Variants in ATP10A observed in about 807,000 individuals in gnomAD.
ATP10A encodes the protein ATPase phospholipid transporting 10A (putative), also known as phospholipid-transporting ATPase VA.
Under a neutral mutation model 147.8 loss-of-function variants are expected in ATP10A, and 111 were observed. The observed-to-expected ratio is 0.75, with a 90% CI of 0.64 to 0.88. The LOEUF is 0.88. Among genes scored for constraint, ATP10A ranks in the 40% least tolerant of loss-of-function variants. The pLI is 0.00. For synonymous variants in ATP10A, 875 were observed against 841.6 expected, an observed-to-expected ratio of 1.04 and a Z score of -0.69; for missense variants, 1,927 against 1,959.0, an observed-to-expected ratio of 0.98 and a Z score of 0.31.
intron 16 of ATP10A, chr15:25,683,688 C>G: frequency 1.7e-6 from 1 of 591,916 alleles, no homozygotes. Flanking sequence ...TCGCCCTCCT[C>G]ACTCCCTTAA....
chr15:25,697,009 G>T lies in ATP10A; in HGVS notation c.2761-1863C>A, dbSNP rs1596703179. The stretch of plus-strand genomic sequence containing the variant: ...AGGAGAAGGGCAGGAAATATGGGAA[G>T]AAGAAGGTGACACACTCCAGCTTTC... On this transcript the variant is annotated intron_variant, in intron 13 of 20. Transcript: ENST00000555815. Among the ~76,000 whole-genome samples, 4 of 152,174 alleles carry T rather than the reference G, an allele frequency of 2.6e-5. No homozygotes were observed. The East Asian group carries it at 7.7e-4, about 29-fold the overall frequency.
intron 3 of ATP10A, 44 bp from the exon 4 acceptor site, chr15:25,727,310 T>C (rs1437632393): frequency 6.7e-7 from 1 of 1,503,748 alleles, no homozygotes. Flanking sequence ...TGCAGGCCTG[T>C]GCCTCATGTC....
intron 2 of ATP10A, chr15:25,738,551 C>G (rs922863575): frequency 2.6e-5 from 4 of 152,216 alleles, no homozygotes; most frequent in Admixed American, 6.5e-5. Context: ...CTTGACTGAT[C>G]TTGGAAGCTA....
chr15:25,778,091 G>A (rs1253139637), intron 2 of ATP10A, among the ~76,000 whole-genome samples: 4 of 151,954 alleles, frequency 2.6e-5, no homozygotes, highest in Admixed American at 6.6e-5. Flanking sequence ...ACTGGACCCC[G>A]CTGGATACCC....
chr15:25,675,584 G>A (rs1899119788), downstream of ATP10A, among the ~76,000 whole-genome samples: 1 of 151,254 alleles, frequency 6.6e-6, no homozygotes. Flanking sequence ...CAGGGGCTGG[G>A]AGGGAGGGAG....
At position 25,679,954 on chromosome 15, in the gene ATP10A, T is replaced by TGGAGGGTTTTG. The variant is rs1899300803; in HGVS notation, c.3886_3887insCAAAACCCTCC (p.Gln1296ProfsTer19). ...AAGTTGTGTGGGGAAAACCCTCCCC[T>TGGAGGGTTTTG]GGAGGGATCTGAAAAACAATCTAGA... On this transcript the variant is annotated frameshift_variant, in exon 21 of 21. Coordinates refer to ENST00000555815, the MANE Select transcript of ATP10A (RefSeq NM_024490.4). LOFTEE classifies it high-confidence loss of function. 2 of 1,596,190 alleles carry TGGAGGGTTTTG rather than the reference T, an allele frequency of 1.3e-6. No individual in the cohort carries two copies. Among genetic ancestry groups the TGGAGGGTTTTG allele is most frequent in the East Asian group, 4.5e-5 (2 of 44,418 alleles).
intron 13 of ATP10A, among the ~76,000 whole-genome samples, chr15:25,701,459 C>T (rs1435940925): frequency 6.6e-6 from 1 of 152,214 alleles, no homozygotes; most frequent in Non-Finnish European, 1.5e-5. Flanking sequence ...TGAGTGGGAA[C>T]TTCTGCGAGG....
intron 4 of ATP10A, 28 bp from the exon 5 acceptor site, chr15:25,726,110 A>C: frequency 6.2e-7 from 1 of 1,608,918 alleles, no homozygotes; most frequent in Non-Finnish European, 8.5e-7. Flanking sequence ...GAGACATGGC[A>C]AGTCAGAGAC....
At chr15:25,757,471 T>C (rs374080132) in intron 2 of ATP10A, among the ~76,000 whole-genome samples, 2 of 152,042 alleles carry the variant, frequency 1.3e-5, no homozygotes, top group South Asian at 2.1e-4. Context: ...CTTGAGAAGA[T>C]AGAAGGATAT....
At chr15:25,751,826 A>G (rs886202512) in intron 2 of ATP10A, among the ~76,000 whole-genome samples, 6 of 152,280 alleles carry the variant, frequency 3.9e-5, no homozygotes, top group African/African-American at 1.4e-4. Flanking sequence ...CAAGAAAACA[A>G]AAAATCAAAT....
At chr15:25,795,555 T>C (rs1277784993) in intron 1 of ATP10A, among the ~76,000 whole-genome samples, 1 of 152,156 alleles carries the variant, frequency 6.6e-6, no homozygotes, top group Non-Finnish European at 1.5e-5. Flanking sequence ...CTGATTTTGG[T>C]TTTAGTCATA....
At chr15:25,719,177 G>C (rs1902049509) in intron 7 of ATP10A, among the ~76,000 whole-genome samples, 1 of 152,162 alleles carries the variant, frequency 6.6e-6, no homozygotes, top group South Asian at 2.1e-4. Context: ...CGTTTAATCA[G>C]AACTTCAAGC....
At chr15:25,736,301 C>T (rs1887277230) in intron 2 of ATP10A, among the ~76,000 whole-genome samples, 160 bp from the exon 3 acceptor site, 1 of 152,222 alleles carries the variant, frequency 6.6e-6, no homozygotes, top group South Asian at 2.1e-4. Context: ...GCCTTCTCCA[C>T]TGTATAATAA....
At chr15:25,751,052 A>T (rs530013267) in intron 2 of ATP10A, among the ~76,000 whole-genome samples, 74 of 152,158 alleles carry the variant, frequency 4.9e-4, no homozygotes, top group African/African-American at 1.6e-3. Flanking sequence ...ACTCGTTTTT[A>T]AAAAAATTAG....
intron 3 of ATP10A, among the ~76,000 whole-genome samples, chr15:25,728,989 C>T (rs1007051656): frequency 2.6e-5 from 4 of 152,132 alleles, no homozygotes; most frequent in African/African-American, 4.8e-5. Context: ...GAGAGAGGCC[C>T]GGCCGAGGGC....
Position 25,756,612 on chromosome 15 carries a change from C to T in ATP10A, c.655-20471G>A, listed in dbSNP as rs546478297. ...CAGCCGAGATCCTACCACTGCACTC[C>T]AGCCTGGGCCACAGAGCAAGACTCC... On this transcript the variant is annotated intron_variant, in intron 2 of 20. Transcript: ENST00000555815. Among the ~76,000 whole-genome samples, 18 of 151,724 alleles carry T rather than the reference C, an allele frequency of 1.2e-4. 1 individual carries two copies. The South Asian group carries it at 3.1e-3, about 26-fold the overall frequency.
chr15:25,785,328 G>A (rs78663370), intron 1 of ATP10A, among the ~76,000 whole-genome samples: 3,484 of 152,246 alleles, frequency 0.023, 172 homozygotes, highest in Admixed American at 0.13. Flanking sequence ...AGAGGCGTGC[G>A]CACACAGCTG....
At chr15:25,788,703 A>AT (rs1263635843) in intron 1 of ATP10A, among the ~76,000 whole-genome samples, 1 of 152,190 alleles carries the variant, frequency 6.6e-6, no homozygotes, top group Non-Finnish European at 1.5e-5. Context: ...TGTTACTTTG[A>AT]TTTTTTTATT....
At chr15:25,751,857 T>A (rs1888170613) in intron 2 of ATP10A, among the ~76,000 whole-genome samples, 1 of 152,128 alleles carries the variant, frequency 6.6e-6, no homozygotes, top group South Asian at 2.1e-4. Flanking sequence ...GCAAGGGATC[T>A]GAATAAACAT....
Sources: allele counts gnomAD v4.1 joint callset (sites outside exome capture counted in the v4.1 genomes callset), GRCh38; gene constraint gnomAD v4.1.1; transcripts MANE v1.5; gene names NCBI Gene and HGNC (gene_info 2026-07-23, HGNC 2026-07-21).